SHISA5: variants seen among roughly 807,000 people sequenced by gnomAD.
SHISA5 encodes the protein protein shisa-5.
SHISA5 carries 21 observed loss-of-function variants against 27.5 expected under a neutral mutation model. The observed-to-expected ratio is 0.76, with a 90% confidence interval of 0.54 to 1.10. SHISA5 has a LOEUF of 1.10. Among genes scored for constraint, SHISA5 ranks in the 50% least tolerant of loss-of-function variants. The pLI is 0.00. For missense variants in SHISA5, 314 were observed against 336.3 expected (o/e 0.93, Z 0.52); for synonymous variants, 137 against 142.2 (o/e 0.96, Z 0.26).
At chr3:48,480,895 G>C (rs1301651814) in intron 2 of SHISA5, among the ~76,000 whole-genome samples, 1 of 152,040 alleles carries the variant, frequency 6.6e-6, no homozygotes, top group Non-Finnish European at 1.5e-5. Context: ...AGGAGTTCGA[G>C]ACCAGCCTGG....
intron 3 of SHISA5, chr3:48,472,988 G>A (rs538449602): frequency 3.5e-5 from 53 of 1,533,470 alleles, no homozygotes; most frequent in Middle Eastern, 3.3e-4. Context: ...AAACACACAC[G>A]CAGCATGGCG....
chr3:48,498,334 C>T (rs927399697), intron 2 of SHISA5, among the ~76,000 whole-genome samples: 2 of 152,170 alleles, frequency 1.3e-5, no homozygotes, highest in African/African-American at 4.8e-5. Context: ...TTCTACTCAA[C>T]ATTGTAACTG....
chr3:48,498,460 A>G (rs9882605), intron 2 of SHISA5, among the ~76,000 whole-genome samples: 14,964 of 151,782 alleles, frequency 0.099, 1,433 homozygotes, highest in African/African-American at 0.25. Context: ...TCCGAGGCAG[A>G]CAGATTGCCT....
In SHISA5 at chr3:48,483,600, TC is replaced by T. The variant is rs2041095354; in HGVS notation, c.234-4344del. ...CCTTGGCCCGTTCTCAATGAGCTGT[TC>T]GGTACACCTCCCAGACGGGGTGGTG... On this transcript the variant is annotated intron_variant, in intron 2 of 5. Transcript: ENST00000296444. Among the ~76,000 whole-genome samples the T allele has an allele frequency of 2.0e-5, 3 of 152,132 alleles. No homozygotes were observed. The South Asian group carries it at 6.2e-4, about 31-fold the overall frequency.
intron 3 of SHISA5, among the ~76,000 whole-genome samples, chr3:48,475,535 C>T (rs1009689001): frequency 3.3e-5 from 5 of 152,128 alleles, no homozygotes; most frequent in African/African-American, 9.7e-5. Context: ...TCAGCAAGGC[C>T]CCAGACAGGC....
At chr3:48,477,037 T>A (rs767335047) in intron 3 of SHISA5, 7 of 450,782 alleles carry the variant, frequency 1.6e-5, no homozygotes, top group South Asian at 1.1e-4. Flanking sequence ...CCTCCTCCTA[T>A]GCCCCTCTGG....
At chr3:48,493,480 TTAAA>T (rs2041481953) in intron 2 of SHISA5, among the ~76,000 whole-genome samples, 1 of 141,384 alleles carries the variant, frequency 7.1e-6, no homozygotes, top group Non-Finnish European at 1.5e-5. Flanking sequence ...AATTAATAAA[TTAAA>T]TAAATAAATA....
intron 3 of SHISA5, among the ~76,000 whole-genome samples, chr3:48,475,445 C>T (rs1417188424): frequency 6.6e-6 from 1 of 152,100 alleles, no homozygotes; most frequent in Non-Finnish European, 1.5e-5. Context: ...TCGGCGGCCT[C>T]CAAGAAATGG....
intron 3 of SHISA5, 94 bp downstream of exon 3, chr3:48,479,083 G>T (rs1012000560): frequency 8.6e-7 from 1 of 1,166,568 alleles, no homozygotes; most frequent in Non-Finnish European, 1.2e-6. Context: ...CCCAATGACC[G>T]AATCATCCCA....
chr3:48,488,623 C>T (rs1451957591), intron 2 of SHISA5, among the ~76,000 whole-genome samples: 1 of 150,196 alleles, frequency 6.7e-6, no homozygotes, highest in Non-Finnish European at 1.5e-5. Context: ...CACCTGATGT[C>T]GGGAGTTCGA....
chr3:48,479,159 C>A lies in SHISA5; in HGVS notation c.314+18G>T, dbSNP rs1284403169. ...ACCTTTGCCAGGAAGATGCACCCAG[C>A]CAGCAGGCTTTACTTACCCTGACAT... On this transcript the variant is annotated intron_variant, in intron 3 of 5. Transcript: ENST00000296444. The A allele has an allele frequency of 5.0e-6, 8 of 1,597,196 alleles. No individual in the cohort carries two copies. Among genetic ancestry groups the A allele is most frequent in the Admixed American group, 3.5e-5 (2 of 56,986 alleles).
chr3:48,479,256 C>T lies in SHISA5; in HGVS notation c.235G>A (p.Val79Met), dbSNP rs754403377. Residue 79 changes from valine (V) to methionine (M), a missense_variant and splice_region_variant, in exon 3 of 6, where the codon GTG becomes ATG. Physicochemically the swap from Val to Met is conservative, Grantham distance 21 (BLOSUM62 1). Transcript: ENST00000296444. The part of the protein sequence containing the change: ...EERCAVPEAS[V>M]PASVEPVEQL... ...TCCACCGGCTCTACACTGGCAGGCA[C>T]GCTGCAAACAGGAAACCTTGTGATT... The T allele has an allele frequency of 5.0e-6, 8 of 1,605,810 alleles. No homozygotes were observed. The highest frequency in any genetic ancestry group is 2.2e-5 in the South Asian group (2 of 90,120).
rs2040423259 is a variant in SHISA5 at position 48,468,106 on chromosome 3, T to A, written c.*1001A>T. 1 of 976,480 alleles carries A rather than the reference T, an allele frequency of 1.0e-6. No individual in the cohort carries two copies. The highest frequency in any genetic ancestry group is 1.2e-6 in the Non-Finnish European group (1 of 814,452). 60.5% of individuals were successfully genotyped at this position (976,480 alleles called of 1,614,324 possible). On this transcript the variant is annotated 3_prime_UTR_variant, in exon 6 of 6. Coordinates refer to ENST00000296444, the MANE Select transcript of SHISA5 (RefSeq NM_016479.6). ...AACACCGTGGACTGGGGTACAGGAGTTGTTGCATATTCCATGAGGCTGGTG... is the reference window on the plus strand; with the variant it reads ...AACACCGTGGACTGGGGTACAGGAGATGTTGCATATTCCATGAGGCTGGTG...
In SHISA5 at chr3:48,501,120, C is replaced by T. The variant is rs1379459057; in HGVS notation, c.233+17G>A. The T allele has an allele frequency of 1.1e-5, 17 of 1,603,250 alleles. No individual in the cohort carries two copies. The highest frequency in any genetic ancestry group is 1.3e-5 in the African/African-American group (1 of 74,726). ...CAGGCTCAAGCCACCCACCCTGTGACCCACTGGTGCACCCACCTGGCCTCA... is the reference window on the plus strand; with the variant it reads ...CAGGCTCAAGCCACCCACCCTGTGATCCACTGGTGCACCCACCTGGCCTCA... On this transcript the variant is annotated intron_variant, in intron 2 of 5. Coordinates refer to ENST00000296444, the MANE Select transcript of SHISA5 (RefSeq NM_016479.6).
chr3:48,488,296 C>T (rs953644204), intron 2 of SHISA5, among the ~76,000 whole-genome samples: 7 of 138,452 alleles, frequency 5.1e-5, no homozygotes, highest in Non-Finnish European at 9.1e-5. Flanking sequence ...AGCCCAATCT[C>T]GACTCAATGC....
chr3:48,490,794 C>T (rs2041398683), intron 2 of SHISA5, among the ~76,000 whole-genome samples: 1 of 152,182 alleles, frequency 6.6e-6, no homozygotes, highest in African/African-American at 2.4e-5. Flanking sequence ...AGAAAATGTG[C>T]ATCTGTAAAG....
chr3:48,487,316 T>A lies in SHISA5; in HGVS notation c.234-8059A>T, dbSNP rs537426234. On this transcript the variant is annotated intron_variant, in intron 2 of 5. Transcript: ENST00000296444. ...TTAGGGCTATGATTTTTTGTAATAA[T>A]GTTTTATGTATTTTATAGTTTATAT... 5.9e-4 allele frequency among the ~76,000 whole-genome samples: 90 copies of A among 152,342 alleles called. 1 individual carries two copies. The highest frequency in any genetic ancestry group is 2.9e-3 in the Admixed American group (44 of 15,282).
At chr3:48,501,378 A>T in intron 1 of SHISA5, 85 bp from the exon 2 acceptor site, 1 of 1,432,458 alleles carries the variant, frequency 7.0e-7, no homozygotes, top group Non-Finnish European at 9.6e-7. Context: ...CAGCCACCAG[A>T]CCACACACAC....
At position 48,469,412 on chromosome 3, in the gene SHISA5, G is replaced by T; in HGVS notation, c.592C>A (p.Pro198Thr). 6.2e-7 allele frequency: 1 copy of T among 1,610,198 alleles called. No individual in the cohort carries two copies. Among genetic ancestry groups the T allele is most frequent in the Non-Finnish European group, 8.5e-7 (1 of 1,177,574 alleles). Residue 198 changes from proline to threonine, a missense_variant, in exon 5 of 6, where the codon CCT becomes ACT. Pro to Thr is a conservative substitution (Grantham distance 38, BLOSUM62 -1). Transcript: ENST00000296444. The surrounding 1 kb of genome is among the most constrained non-coding windows in gnomAD (Gnocchi z 4.6). ...GGGCCCATGGGCTGGGCTGGGTAAGGTGGTGGGTACTGCATTGGGTAGGGT... is the reference window on the plus strand; with the variant it reads ...GGGCCCATGGGCTGGGCTGGGTAAGTTGGTGGGTACTGCATTGGGTAGGGT... ...AAPYPMQYPP[P>T]YPAQPMGPPA...
Sources: gnomAD v4.1 joint callset for allele counts (sites outside exome capture counted in the v4.1 genomes callset) on GRCh38, gnomAD v4.1.1 for gene constraint, Gnocchi (gnomAD v3.1) non-coding constraint, MANE v1.5 for transcripts, NCBI Gene and HGNC (gene_info 2026-07-23, HGNC 2026-07-21) for gene names.